The following COL14A1 variants were observed in gnomAD, a reference collection of about 807,000 sequenced individuals.
COL14A1 encodes the protein collagen type XIV alpha 1 chain.
Under a neutral mutation model 230.3 loss-of-function variants are expected in COL14A1, and 136 were observed. That is an observed-to-expected ratio of 0.59 (90% CI 0.51 to 0.68). The LOEUF (loss-of-function observed/expected upper bound fraction) is 0.68. Among genes scored for constraint, COL14A1 ranks in the 30% least tolerant of loss-of-function variants. COL14A1 has a pLI of 0.00. For synonymous variants in COL14A1, 792 were observed against 784.1 expected (o/e 1.01, Z -0.17); for missense variants, 1,976 against 2,215.8 (o/e 0.89, Z 2.17).
intron 42 of COL14A1, among the ~76,000 whole-genome samples, chr8:120,340,394 T>C (rs541818471): frequency 1.3e-5 from 2 of 152,308 alleles, no homozygotes; most frequent in Admixed American, 6.5e-5. Context: ...ACCAGAAGTT[T>C]GAATCTGGGC....
intron 40 of COL14A1, among the ~76,000 whole-genome samples, chr8:120,327,875 A>C (rs1205409280): frequency 2.0e-5 from 3 of 150,892 alleles, no homozygotes; most frequent in Admixed American, 2.0e-4. Context: ...AGTGATTCTC[A>C]TGCCTCAGCC....
chr8:120,192,444 G>C (rs1173709443), intron 5 of COL14A1, among the ~76,000 whole-genome samples: 1 of 152,080 alleles, frequency 6.6e-6, no homozygotes, highest in Non-Finnish European at 1.5e-5. Context: ...TCCCTTTGTG[G>C]GTAACCCGAC....
In COL14A1 at chr8:120,300,833, G is replaced by A. The variant is rs956739945; in HGVS notation, c.4401+15G>A. 1.4e-5 allele frequency: 23 copies of A among 1,599,326 alleles called. No homozygotes were observed. The highest frequency in any genetic ancestry group is 3.4e-5 in the Admixed American group (2 of 58,632). Reference sequence around the variant, plus strand: ...CGGGCCCACCAGTAAGTCTTGCTGAGTTCAGCCTTAAATTTTCTTTAATAA... The same window carrying A: ...CGGGCCCACCAGTAAGTCTTGCTGAATTCAGCCTTAAATTTTCTTTAATAA... On this transcript the variant is annotated intron_variant, in intron 36 of 47. Coordinates refer to ENST00000297848, the MANE Select transcript of COL14A1 (RefSeq NM_021110.4).
In COL14A1 at chr8:120,231,603, A is replaced by G. The variant is rs1292035785; in HGVS notation, c.2334A>G (p.Glu778=). ...TGACAGCTCAAGGGGACCCTGAGGA[A>G]GAAGTCATAGGAACGGTCTGTATAA... The part of the protein sequence containing the change: ...TYMTAQGDPE[E]EVIGTVMVPG... Residue 778 remains glutamate, a synonymous_variant, in exon 19 of 48, where the codon GAA becomes GAG. Coordinates refer to ENST00000297848, the MANE Select transcript of COL14A1 (RefSeq NM_021110.4). The G allele has an allele frequency of 1.2e-6, 2 of 1,613,778 alleles. No individual in the cohort carries two copies. The highest frequency in any genetic ancestry group is 1.3e-5 in the African/African-American group (1 of 75,052).
chr8:120,199,187 G>C (rs1817145155), intron 7 of COL14A1, among the ~76,000 whole-genome samples: 2 of 152,154 alleles, frequency 1.3e-5, no homozygotes, highest in African/African-American at 4.8e-5. Context: ...GTTTCTGAAA[G>C]AATGCAGTGT....
chr8:120,205,541 G>C (rs2130742479), intron 9 of COL14A1, among the ~76,000 whole-genome samples: 1 of 152,262 alleles, frequency 6.6e-6, no homozygotes, highest in African/African-American at 2.4e-5. Context: ...TAATATCCAA[G>C]TCTTCTTTCA....
intron 5 of COL14A1, among the ~76,000 whole-genome samples, chr8:120,178,140 TTTGTTACGTAGGTATA>T (rs905637156): frequency 6.6e-6 from 1 of 152,106 alleles, no homozygotes; most frequent in Non-Finnish European, 1.5e-5. Context: ...AACGTGCAGT[TTTGTTACGTAGGTATA>T]CACGTGGCAT....
rs1476593363 is a variant in COL14A1, at chr8:120,250,877, G to A, written c.2752+111G>A. 1.0e-5 allele frequency: 13 copies of A among 1,250,836 alleles called. No individual in the cohort carries two copies. The African/African-American group carries it at 1.8e-4, about 17-fold the overall frequency. The allele number at this position is 1,250,836 out of a possible 1,614,324, so 77.5% of individuals were successfully genotyped here. A position where few individuals can be genotyped will look rare whatever the true frequency, so the allele number is the denominator to read the frequency against. ...GGCTGGAGTGCGCTGGTGCGATCTG[G>A]ACTCACTGAAACATCCGCCTCCAGG... On this transcript the variant is annotated intron_variant, in intron 22 of 47. Coordinates refer to ENST00000297848, the MANE Select transcript of COL14A1 (RefSeq NM_021110.4).
rs775541320 is a variant in COL14A1 at position 120,297,501 on chromosome 8, T to C, written c.4237-10T>C. The C allele has an allele frequency of 2.1e-6, 3 of 1,417,934 alleles. No homozygotes were observed. 87.8% of individuals were successfully genotyped at this position (1,417,934 alleles called of 1,614,324 possible). On this transcript the variant is annotated splice_polypyrimidine_tract_variant and intron_variant, in intron 34 of 47. Transcript: ENST00000297848. ...TTTTATTGAATGACAATTTTCTTTT[T>C]AAATCATAGTTCCAGTTACAGATGT...
chr8:120,335,675 T>C (rs1230725581), intron 42 of COL14A1, among the ~76,000 whole-genome samples: 1 of 152,212 alleles, frequency 6.6e-6, no homozygotes, highest in African/African-American at 2.4e-5. Flanking sequence ...TTTCCTACAG[T>C]GGGTGCCAGA....
intron 40 of COL14A1, among the ~76,000 whole-genome samples, chr8:120,326,778 C>A (rs892309034): frequency 1.3e-5 from 2 of 152,176 alleles, no homozygotes; most frequent in African/African-American, 2.4e-5. Context: ...GTAATCCCAG[C>A]ACTTTGGGAG....
intron 1 of COL14A1, among the ~76,000 whole-genome samples, chr8:120,142,903 CT>C (rs1337040958): frequency 6.6e-6 from 1 of 152,032 alleles, no homozygotes; most frequent in Non-Finnish European, 1.5e-5. Flanking sequence ...TAATTTATTC[CT>C]TTAGATATAC....
chr8:120,277,143 G>C (rs987681754), intron 26 of COL14A1, among the ~76,000 whole-genome samples: 4 of 152,260 alleles, frequency 2.6e-5, no homozygotes, highest in Admixed American at 2.6e-4. Flanking sequence ...TTGTATAGTA[G>C]TGGTTAAGAA....
At chr8:120,265,406 AC>A (rs1368280824) in intron 24 of COL14A1, among the ~76,000 whole-genome samples, 2 of 152,140 alleles carry the variant, frequency 1.3e-5, no homozygotes, top group Admixed American at 6.6e-5. Flanking sequence ...AATCCTAGTT[AC>A]AAAAAAAATT....
At chr8:120,255,819 C>T (rs546932789) in intron 23 of COL14A1, among the ~76,000 whole-genome samples, 3 of 151,392 alleles carry the variant, frequency 2.0e-5, no homozygotes, top group African/African-American at 7.3e-5. Context: ...TGGTGAACAA[C>T]AACCCTCATT....
At chr8:120,136,908 G>A (rs1563629601) in intron 1 of COL14A1, among the ~76,000 whole-genome samples, 1 of 137,474 alleles carries the variant, frequency 7.3e-6, no homozygotes, top group Non-Finnish European at 1.5e-5. Context: ...GTTGCAGTGA[G>A]CCAAGATTGC....
chr8:120,303,927 T>C (rs947422098), intron 36 of COL14A1, among the ~76,000 whole-genome samples: 11 of 152,174 alleles, frequency 7.2e-5, no homozygotes, highest in African/African-American at 2.7e-4. Context: ...ACCTTGTTAT[T>C]GGTCTGTTCA....
rs2129819626 is a variant in COL14A1 at position 120,270,148 on chromosome 8, A to C, written c.3187A>C (p.Asn1063His). The C allele has an allele frequency of 6.2e-7, 1 of 1,611,134 alleles. No homozygotes were observed. Reference protein sequence around the residue: ...SFLYSTVGALNKIGTDGTQVA... With the variant: ...SFLYSTVGALHKIGTDGTQVA... ...TCTATACAGCACTGTTGGAGCCCTG[A>C]ACAAGATTGGCACAGATGGAACCCA... Residue 1063 changes from asparagine to histidine, a missense_variant, in exon 26 of 48, where the codon AAC becomes CAC. By Grantham distance (68) the Asn-to-His change is moderately conservative. Coordinates refer to ENST00000297848, the MANE Select transcript of COL14A1 (RefSeq NM_021110.4).
rs562894264 is a variant in COL14A1 at position 120,358,780 on chromosome 8, C to A, written c.5078-8391C>A. ...ATATAATGTAGTTTATATGATAAAA[C>A]TAAAGTTGTTTGTATTAGCTGTGAT... is the stretch of plus-strand genomic sequence containing the variant. On this transcript the variant is annotated intron_variant, in intron 45 of 47. Coordinates refer to ENST00000297848, the MANE Select transcript of COL14A1 (RefSeq NM_021110.4). Among the ~76,000 whole-genome samples the A allele has an allele frequency of 8.5e-5, 13 of 152,132 alleles. No individual in the cohort carries two copies. The South Asian group carries it at 2.7e-3, about 32-fold the overall frequency.
Sources: allele counts gnomAD v4.1 joint callset (sites outside exome capture counted in the v4.1 genomes callset), GRCh38; gene constraint gnomAD v4.1.1; transcripts MANE v1.5; gene names NCBI Gene and HGNC (gene_info 2026-07-23, HGNC 2026-07-21).